The following PDE4D variants were observed in gnomAD, a reference collection of about 807,000 sequenced individuals.
The protein encoded by PDE4D is phosphodiesterase 4D, also known as 3',5'-cyclic-AMP phosphodiesterase 4D.
A neutral mutation model predicts 87.4 loss-of-function variants in PDE4D; 24 were observed. The ratio of observed to expected loss-of-function variants is 0.27; its 90% CI spans 0.20 to 0.39. The LOEUF (loss-of-function observed/expected upper bound fraction) is 0.39, where lower values mean the gene tolerates loss of function less well. PDE4D is among the 10% of genes least tolerant of loss of function. The pLI is 1.00. For missense variants in PDE4D, 714 were observed against 1,041.0 expected, an observed-to-expected ratio of 0.69 and a Z score of 4.32; for synonymous variants, 384 against 383.2, an observed-to-expected ratio of 1.00 and a Z score of -0.02.
At chr5:59,419,636 G>A (rs1235431044) in intron 1 of PDE4D, among the ~76,000 whole-genome samples, 1 of 152,316 alleles carries the variant, frequency 6.6e-6, no homozygotes, top group East Asian at 1.9e-4. Flanking sequence ...GGAGGCTCCT[G>A]TGCATAGAGT....
rs530615333 is a variant in PDE4D, at chr5:60,231,720, T to C, written c.-89-46033A>G. ...GACAGTTGTAATCCTATATAACCAT[T>C]CCCTGCTATGTAACTAAACATGACC... On this transcript the variant is annotated intron_variant, in intron 1 of 16. Transcript: ENST00000502484. Among the ~76,000 whole-genome samples, 170 of 152,102 alleles carry C rather than the reference T, an allele frequency of 1.1e-3. 1 individual carries two copies. The highest frequency in any genetic ancestry group is 1.8e-3 in the Non-Finnish European group (123 of 67,916).
intron 1 of PDE4D, among the ~76,000 whole-genome samples, chr5:60,472,192 A>G (rs1426524030): frequency 1.3e-5 from 2 of 152,224 alleles, no homozygotes; most frequent in East Asian, 1.9e-4. Flanking sequence ...ATAAATAATA[A>G]CACTTTACAA....
chr5:59,065,645 T>G (rs548666240), intron 5 of PDE4D, among the ~76,000 whole-genome samples: 1 of 152,270 alleles, frequency 6.6e-6, no homozygotes, highest in South Asian at 2.1e-4. Context: ...TAAAGTTTCC[T>G]TGGGAAAGAA....
At chr5:59,221,902 A>G (rs1752653523) in intron 1 of PDE4D, among the ~76,000 whole-genome samples, 2 of 152,214 alleles carry the variant, frequency 1.3e-5, no homozygotes, top group Admixed American at 1.3e-4. Flanking sequence ...TTCTTAAAAG[A>G]GATAACTTTT....
intron 1 of PDE4D, among the ~76,000 whole-genome samples, chr5:59,251,180 A>T (rs1376824450): frequency 6.6e-6 from 1 of 152,214 alleles, no homozygotes; most frequent in Non-Finnish European, 1.5e-5. Flanking sequence ...GACAAGTGGG[A>T]TCTAAATAAA....
chr5:60,454,062 A>C (rs1438044641), intron 1 of PDE4D, among the ~76,000 whole-genome samples: 1 of 152,186 alleles, frequency 6.6e-6, no homozygotes, highest in East Asian at 1.9e-4. Flanking sequence ...AAGTGATATA[A>C]TTCACTAGAA....
At chr5:60,398,659 C>A (rs1188081467) in intron 1 of PDE4D, among the ~76,000 whole-genome samples, 1 of 152,040 alleles carries the variant, frequency 6.6e-6, no homozygotes, top group Admixed American at 6.5e-5. Context: ...CAAAAGCAAC[C>A]CATTTTTACT....
At chr5:59,724,163 A>T (rs1181691436) in intron 1 of PDE4D, among the ~76,000 whole-genome samples, 2 of 152,036 alleles carry the variant, frequency 1.3e-5, no homozygotes, top group Non-Finnish European at 2.9e-5. Context: ...TAATCACTGG[A>T]AACCTGGAGA....
chr5:60,124,640 A>G (rs1259624195), intron 2 of PDE4D, among the ~76,000 whole-genome samples: 1 of 152,094 alleles, frequency 6.6e-6, no homozygotes, highest in African/African-American at 2.4e-5. Context: ...TCCCATTTAC[A>G]TAGCAACCTG....
At chr5:60,146,292 T>C (rs1010722850) in intron 2 of PDE4D, among the ~76,000 whole-genome samples, 1 of 152,232 alleles carries the variant, frequency 6.6e-6, no homozygotes, top group Non-Finnish European at 1.5e-5. Context: ...TGGTAGTAGA[T>C]GTTCTATAAA....
At chr5:59,303,529 G>A (rs997200414) in intron 1 of PDE4D, among the ~76,000 whole-genome samples, 1 of 152,112 alleles carries the variant, frequency 6.6e-6, no homozygotes, top group African/African-American at 2.4e-5. Context: ...TCACGTCTTA[G>A]GTTTAAGCCC....
intron 1 of PDE4D, among the ~76,000 whole-genome samples, chr5:59,404,132 C>A (rs1333879372): frequency 6.6e-6 from 1 of 152,104 alleles, no homozygotes; most frequent in East Asian, 1.9e-4. Context: ...AGGTGTTTTG[C>A]CCATTTTTAA....
At chr5:59,030,422 C>CAAAAAAAAAAAAAA (rs373275661) in intron 6 of PDE4D, among the ~76,000 whole-genome samples, 54 of 58,232 alleles carry the variant, frequency 9.3e-4, no homozygotes, top group East Asian at 1.4e-3. Flanking sequence ...AACAGAGATA[C>CAAAAAAAAAAAAAA]AAAAAAAAAA....
chr5:59,770,567 C>T (rs1307069729), intron 1 of PDE4D, among the ~76,000 whole-genome samples: 1 of 152,082 alleles, frequency 6.6e-6, no homozygotes, highest in Non-Finnish European at 1.5e-5. Flanking sequence ...TGTATTTGTA[C>T]ATGTTTTTAG....
chr5:59,492,578 C>T (rs1219032063), intron 1 of PDE4D, among the ~76,000 whole-genome samples: 1 of 152,100 alleles, frequency 6.6e-6, no homozygotes, highest in Non-Finnish European at 1.5e-5. Context: ...TGTGAGAATA[C>T]CTGGTTTCTT....
chr5:59,944,459 G>A (rs982042466), intron 3 of PDE4D, among the ~76,000 whole-genome samples: 2 of 152,042 alleles, frequency 1.3e-5, no homozygotes, highest in African/African-American at 2.4e-5. Context: ...TGCAAGCTCC[G>A]CCTCCGGGGT....
chr5:60,280,883 T>C (rs1278413729), intron 1 of PDE4D, among the ~76,000 whole-genome samples: 2 of 152,176 alleles, frequency 1.3e-5, no homozygotes, highest in Non-Finnish European at 2.9e-5. Flanking sequence ...TAAAAATCTA[T>C]CTGGTGTAAT....
chr5:60,403,802 T>G (rs1741291019), intron 1 of PDE4D, among the ~76,000 whole-genome samples: 1 of 152,198 alleles, frequency 6.6e-6, no homozygotes, highest in South Asian at 2.1e-4. Flanking sequence ...CTGACCTTTG[T>G]CAAGAAAGTA....
intron 5 of PDE4D, among the ~76,000 whole-genome samples, chr5:59,138,817 C>T (rs186038302): frequency 1.7e-3 from 257 of 152,236 alleles, no homozygotes; most frequent in Middle Eastern, 3.4e-3. Flanking sequence ...TAAGATGTAG[C>T]GTCCACTCTC....
Sources: gnomAD v4.1 joint callset for allele counts (sites outside exome capture counted in the v4.1 genomes callset) on GRCh38, gnomAD v4.1.1 for gene constraint, MANE v1.5 for transcripts, NCBI Gene and HGNC (gene_info 2026-07-23, HGNC 2026-07-21) for gene names.